The following TBC1D32 variants were observed in gnomAD, a reference collection of about 807,000 sequenced individuals.
The protein encoded by TBC1D32 is TBC1 domain family member 32.
In TBC1D32, 151 loss-of-function variants were observed where a neutral mutation model predicts 170.3. The ratio of observed to expected loss-of-function variants is 0.89; its 90% CI spans 0.78 to 1.01. The LOEUF (loss-of-function observed/expected upper bound fraction) is 1.01. TBC1D32 is among the 50% of genes least tolerant of loss of function. The pLI, the probability that TBC1D32 is intolerant of heterozygous loss-of-function variation, is 0.00. For missense variants in TBC1D32, 1,464 were observed against 1,457.1 expected (o/e 1.00, Z -0.08); for synonymous variants, 498 against 488.0 (o/e 1.02, Z -0.27).
intron 31 of TBC1D32, among the ~76,000 whole-genome samples, chr6:121,081,421 T>C (rs1355726948): frequency 6.6e-6 from 1 of 152,084 alleles, no homozygotes; most frequent in Non-Finnish European, 1.5e-5. Context: ...CGTTTAACAG[T>C]TTAGAGTCTT....
intron 21 of TBC1D32, 67 bp from the exon 22 acceptor site, chr6:121,205,230 CA>C (rs1371944488): frequency 1.3e-6 from 1 of 768,612 alleles, no homozygotes; most frequent in Admixed American, 3.1e-5. Flanking sequence ...AAGTCAACAA[CA>C]ATTTATTTAG....
intron 30 of TBC1D32, among the ~76,000 whole-genome samples, chr6:121,102,319 T>C (rs970687335): frequency 5.9e-5 from 9 of 151,912 alleles, no homozygotes; most frequent in African/African-American, 7.2e-5. Context: ...GGAGGCATCA[T>C]GCTACCTGAC....
At position 121,172,614 on chromosome 6, in the gene TBC1D32, G is replaced by A. The variant is rs556090968; in HGVS notation, c.2571-11558C>T. 5.3e-5 allele frequency among the ~76,000 whole-genome samples: 8 copies of A among 152,320 alleles called. No homozygotes were observed. The South Asian group carries it at 1.7e-3, about 32-fold the overall frequency. On this transcript the variant is annotated intron_variant, in intron 22 of 31. Transcript: ENST00000398212. ...TAAACAGAATACAGAATGGGTAGTA[G>A]AAGAAGGTAGTCATCAATACCAGCT... is the stretch of plus-strand genomic sequence containing the variant.
intron 2 of TBC1D32, among the ~76,000 whole-genome samples, chr6:121,320,507 T>C (rs746503924): frequency 8.5e-5 from 13 of 152,130 alleles, no homozygotes; most frequent in Non-Finnish European, 1.6e-4. Flanking sequence ...AGAATTAAGT[T>C]TAATGATACT....
Position 121,294,582 on chromosome 6 carries a change from A to C in TBC1D32, c.1219T>G (p.Ser407Ala). 3 of 1,611,260 alleles carry C rather than the reference A, an allele frequency of 1.9e-6. No homozygotes were observed. The highest frequency in any genetic ancestry group is 2.5e-6 in the Non-Finnish European group (3 of 1,178,738). ...AAATAATACTTACTGCAATGCTTTG[A>C]ATGTCCCAAAGTTTCATCAGCTTTC... ...TRKADETLGH[S>A]KHCRNKQKTF... The change falls in exon 11 of 32, where the codon TCA (serine) becomes GCA (alanine). Residue 407 changes from serine to alanine, a missense_variant. Physicochemically the swap from Ser to Ala is moderately conservative, Grantham distance 99. Coordinates refer to ENST00000398212, the MANE Select transcript of TBC1D32 (RefSeq NM_152730.6).
chr6:121,279,900 T>A (rs1376084325), intron 14 of TBC1D32, among the ~76,000 whole-genome samples: 1 of 151,984 alleles, frequency 6.6e-6, no homozygotes, highest in African/African-American at 2.4e-5. Flanking sequence ...AGTATTATAA[T>A]TCCTGCTCTT....
chr6:121,105,780 A>G (rs1778619606), intron 30 of TBC1D32, among the ~76,000 whole-genome samples: 1 of 152,028 alleles, frequency 6.6e-6, no homozygotes, highest in Non-Finnish European at 1.5e-5. Context: ...TCTCCATTAA[A>G]AAGCCTACAT....
At position 121,141,234 on chromosome 6, in the gene TBC1D32, GGA is replaced by G. The variant is rs1483794350; in HGVS notation, c.2774-9484_2774-9483del. Among the ~76,000 whole-genome samples the G allele has an allele frequency of 9.3e-4, 141 of 152,236 alleles. 2 individuals are homozygous for G. The South Asian group carries it at 0.029, about 31-fold the overall frequency. ...AGAAGAAATATATTTTAGATAAGGT[GGA>G]GATAACTTCTCTGAAGAAGTGACAT... On this transcript the variant is annotated intron_variant, in intron 24 of 31. Transcript: ENST00000398212.
chr6:121,304,495 T>C (rs755939700), intron 7 of TBC1D32, 27 bp downstream of exon 7: 35 of 1,601,834 alleles, frequency 2.2e-5, no homozygotes, highest in Admixed American at 3.4e-5. Context: ...TAAATAAAAA[T>C]GAAAGCATAT....
intron 3 of TBC1D32, among the ~76,000 whole-genome samples, chr6:121,312,173 T>C (rs2128489888): frequency 6.6e-6 from 1 of 151,944 alleles, no homozygotes; most frequent in South Asian, 2.1e-4. Flanking sequence ...GAGGGGAACA[T>C]CACACACTGG....
intron 24 of TBC1D32, among the ~76,000 whole-genome samples, chr6:121,142,715 C>G (rs1782945056): frequency 6.6e-6 from 1 of 151,948 alleles, no homozygotes; most frequent in Non-Finnish European, 1.5e-5. Flanking sequence ...TCTGAATTTC[C>G]CATACTCCTC....
At chr6:121,273,135 G>C (rs560885885) in intron 15 of TBC1D32, among the ~76,000 whole-genome samples, 11 of 151,696 alleles carry the variant, frequency 7.3e-5, no homozygotes, top group African/African-American at 2.7e-4. Flanking sequence ...GGGAGGGATA[G>C]TTTTAGGAGA....
chr6:121,187,355 G>A (rs369313205), intron 22 of TBC1D32, among the ~76,000 whole-genome samples: 39 of 152,178 alleles, frequency 2.6e-4, no homozygotes, highest in African/African-American at 9.1e-4. Context: ...ATTATTGAAA[G>A]GGTTAGACTT....
chr6:121,137,584 T>C (rs73768928), intron 24 of TBC1D32, among the ~76,000 whole-genome samples: 13,395 of 151,766 alleles, frequency 0.088, 1,241 homozygotes, highest in African/African-American at 0.24. Context: ...AATCGATTGA[T>C]AGTTGAAAAT....
At chr6:121,259,938 G>A (rs552281605) in intron 15 of TBC1D32, among the ~76,000 whole-genome samples, 21 of 152,216 alleles carry the variant, frequency 1.4e-4, no homozygotes, top group Admixed American at 2.6e-4. Flanking sequence ...AGACAACAGA[G>A]GGTATCACAG....
chr6:121,241,595 A>G, intron 18 of TBC1D32, 43 bp from the exon 19 acceptor site: 1 of 1,488,046 alleles, frequency 6.7e-7, no homozygotes, highest in Non-Finnish European at 9.4e-7. Flanking sequence ...GCAACAAAAC[A>G]TGGCATGCTA....
chr6:121,295,239 C>T (rs1490386084), intron 10 of TBC1D32, among the ~76,000 whole-genome samples: 1 of 150,870 alleles, frequency 6.6e-6, no homozygotes, highest in Non-Finnish European at 1.5e-5. Context: ...CAAACCTTCT[C>T]CCCTTTCCTC....
At chr6:121,083,970 C>T (rs1324448863) in intron 31 of TBC1D32, among the ~76,000 whole-genome samples, 1 of 152,068 alleles carries the variant, frequency 6.6e-6, no homozygotes, top group East Asian at 1.9e-4. Flanking sequence ...CTTCTTGACA[C>T]TCTCTAAGTG....
At chr6:121,118,691 G>A (rs1285812362) in intron 26 of TBC1D32, among the ~76,000 whole-genome samples, 1 of 152,096 alleles carries the variant, frequency 6.6e-6, no homozygotes, top group Non-Finnish European at 1.5e-5. Flanking sequence ...CTCTCCTAAT[G>A]CCCTCCCTTA....
Sources: gnomAD v4.1 joint callset for allele counts (sites outside exome capture counted in the v4.1 genomes callset) on GRCh38, gnomAD v4.1.1 for gene constraint, MANE v1.5 for transcripts, NCBI Gene and HGNC (gene_info 2026-07-23, HGNC 2026-07-21) for gene names.